The following PLD2 variants were observed in gnomAD, a reference collection of about 807,000 sequenced individuals.
PLD2 encodes choline phosphatase 2.
Under a neutral mutation model 119.8 loss-of-function variants are expected in PLD2, and 101 were observed. The observed-to-expected ratio is 0.84, with a 90% CI of 0.72 to 0.99. The LOEUF is 0.99. Among genes scored for constraint, PLD2 ranks in the 50% least tolerant of loss-of-function variants. The probability of loss-of-function intolerance (pLI) is 0.00; values close to 1 mark genes in which losing one functional copy is unlikely to be tolerated. For missense variants in PLD2, 1,164 were observed against 1,226.8 expected, an observed-to-expected ratio of 0.95 and a Z score of 0.76; for synonymous variants, 494 against 482.8, an observed-to-expected ratio of 1.02 and a Z score of -0.30.
intron 14 of PLD2, 107 bp from the exon 15 acceptor site, chr17:4,816,513 C>A: frequency 8.4e-7 from 1 of 1,196,368 alleles, no homozygotes; most frequent in Non-Finnish European, 1.2e-6. Flanking sequence ...CTGTTTCATT[C>A]TTCCTCTCGG....
chr17:4,807,924 C>A lies in PLD2; in HGVS notation c.109+43C>A. On this transcript the variant is annotated intron_variant, in intron 2 of 24. Coordinates refer to ENST00000263088, the MANE Select transcript of PLD2 (RefSeq NM_002663.5). The surrounding 1 kb of genome is among the most constrained non-coding windows in gnomAD (Gnocchi z 5.4). ...ATGGCCCTCAGGGAGGAGAGGCGTT[C>A]GGGAGCCAGGGGGCTGGGGCCTGTT... 1 of 1,606,850 alleles carries A rather than the reference C, an allele frequency of 6.2e-7. No homozygotes were observed. Among genetic ancestry groups the A allele is most frequent in the Non-Finnish European group, 8.5e-7 (1 of 1,174,370 alleles).
At chr17:4,814,544 C>G in intron 11 of PLD2, 43 bp downstream of exon 11, 1 of 1,612,734 alleles carries the variant, frequency 6.2e-7, no homozygotes, top group Non-Finnish European at 8.5e-7. Flanking sequence ...AGGATAGAGC[C>G]TGGGGCAGAT....
Position 4,807,947 on chromosome 17 carries a change from G to T in PLD2, c.110-37G>T. ...TTCGGGAGCCAGGGGGCTGGGGCCTGTTGTGGTCTACACTCCTCGACTTTC... is the reference window on the plus strand; with the variant it reads ...TTCGGGAGCCAGGGGGCTGGGGCCTTTTGTGGTCTACACTCCTCGACTTTC... On this transcript the variant is annotated intron_variant, in intron 2 of 24. Transcript: ENST00000263088. This position sits in a 1 kb window ranked among gnomAD's most constrained non-coding sequence, Gnocchi z 5.4. 1 of 1,607,310 alleles carries T rather than the reference G, an allele frequency of 6.2e-7. No individual in the cohort carries two copies. Among genetic ancestry groups the T allele is most frequent in the South Asian group, 1.1e-5 (1 of 90,806 alleles).
At chr17:4,814,301 C>T in intron 10 of PLD2, 117 bp from the exon 11 acceptor site, 1 of 1,482,444 alleles carries the variant, frequency 6.7e-7, no homozygotes. Flanking sequence ...GTTCTCTGAT[C>T]ATTTCTGATC....
chr17:4,819,721 G>A lies in PLD2; in HGVS notation c.2462+139G>A. The stretch of plus-strand genomic sequence containing the variant: ...ACTAGATTCTCAATAGGCAAGGCTG[G>A]GCGCGGCAGCTCACGCCTCTAATCC... On this transcript the variant is annotated intron_variant, in intron 23 of 24. Transcript: ENST00000263088. The surrounding 1 kb of genome is among the most constrained non-coding windows in gnomAD (Gnocchi z 4.2). 1.2e-6 allele frequency: 1 copy of A among 862,146 alleles called. No homozygotes were observed. The highest frequency in any genetic ancestry group is 1.7e-6 in the Non-Finnish European group (1 of 578,624). 53.4% of individuals were successfully genotyped at this position (862,146 alleles called of 1,614,324 possible).
intron 10 of PLD2, among the ~76,000 whole-genome samples, chr17:4,812,752 C>T (rs1388039768): frequency 2.0e-5 from 3 of 152,048 alleles, no homozygotes; most frequent in Admixed American, 1.3e-4. Flanking sequence ...CTGGTGATTG[C>T]GTGGGAACAT....
Position 4,822,674 on chromosome 17 carries a change from C to T in PLD2, c.2612C>T (p.Ser871Phe), listed in dbSNP as rs769354818. 35 of 1,613,524 alleles carry T rather than the reference C, an allele frequency of 2.2e-5. No individual in the cohort carries two copies. Among genetic ancestry groups the T allele is most frequent in the Non-Finnish European group, 3.0e-5 (35 of 1,179,724 alleles). The change falls in exon 25 of 25, where the codon TCC becomes TTC. Residue 871 changes from serine to phenylalanine, a missense_variant. By Grantham distance (155) the Ser-to-Phe change is radical. Transcript: ENST00000263088. ...TGCCTGCCATCCAATGCCACGCGTTCCCTGCGGACTCTCCGGGAGTACGTG... is the reference window on the plus strand; with the variant it reads ...TGCCTGCCATCCAATGCCACGCGTTTCCTGCGGACTCTCCGGGAGTACGTG... ...FRCLPSNATR[S>F]LRTLREYVAV...
chr17:4,808,877 A>T lies in PLD2; in HGVS notation c.384-223A>T, dbSNP rs1906137985. 6.6e-6 allele frequency among the ~76,000 whole-genome samples: 1 copy of T among 152,060 alleles called. No individual in the cohort carries two copies. Among genetic ancestry groups the T allele is most frequent in the Admixed American group, 6.6e-5 (1 of 15,250 alleles). On this transcript the variant is annotated intron_variant, in intron 4 of 24. Coordinates refer to ENST00000263088, the MANE Select transcript of PLD2 (RefSeq NM_002663.5). The surrounding 1 kb of genome is among the most constrained non-coding windows in gnomAD (Gnocchi z 4.1). The stretch of plus-strand genomic sequence containing the variant: ...CCCAACTAATTTTTGTATATTTTGT[A>T]GAGATGGGGTGCTGCTGTGTTGCCC...
intron 14 of PLD2, 32 bp downstream of exon 14, chr17:4,815,966 C>A: frequency 6.7e-7 from 1 of 1,481,542 alleles, no homozygotes; most frequent in South Asian, 1.1e-5. Context: ...TGAGCACCCC[C>A]AAACTCAGAT....
chr17:4,820,143 C>G (rs370456117), intron 23 of PLD2, among the ~76,000 whole-genome samples: 1 of 150,600 alleles, frequency 6.6e-6, no homozygotes, highest in Non-Finnish European at 1.5e-5. Flanking sequence ...GGGGTTTCGC[C>G]GTGTTGGTCA....
intron 24 of PLD2, 94 bp downstream of exon 24, chr17:4,822,001 C>A: frequency 1.3e-6 from 1 of 782,704 alleles, no homozygotes; most frequent in South Asian, 1.5e-5. Flanking sequence ...ACCATACAGT[C>A]ATTATTGGAA....
At position 4,808,010 on chromosome 17, in the gene PLD2, ATCTATGAGCTTCAG is replaced by A; in HGVS notation, c.140_153del (p.Tyr47SerfsTer102). Reference sequence around the variant, plus strand: ...CGACCGGATGCACCCGTTTCTGGCCATCTATGAGCTTCAGTCTCTGAAAGTGCACCCCTTGGTGT... The same window carrying A: ...CGACCGGATGCACCCGTTTCTGGCCATCTCTGAAAGTGCACCCCTTGGTGT... On this transcript the variant is annotated frameshift_variant, in exon 3 of 25. Transcript: ENST00000263088. LOFTEE classifies it high-confidence loss of function. This position sits in a 1 kb window ranked among gnomAD's most constrained non-coding sequence, Gnocchi z 4.1. 1 of 1,610,860 alleles carries A rather than the reference ATCTATGAGCTTCAG, an allele frequency of 6.2e-7. No homozygotes were observed. Among genetic ancestry groups the A allele is most frequent in the Non-Finnish European group, 8.5e-7 (1 of 1,177,368 alleles).
Position 4,818,292 on chromosome 17 carries a change from C to T in PLD2, c.1921-5C>T, listed in dbSNP as rs1289114540. The T allele has an allele frequency of 1.2e-6, 2 of 1,608,882 alleles. No individual in the cohort carries two copies. ...GCTGATGTCTGTCTCTGATTCTTGC[C>T]CCAGAATCAGTTCTTCATTAGCTGC... On this transcript the variant is annotated splice_region_variant and splice_polypyrimidine_tract_variant and intron_variant, in intron 18 of 24. Coordinates refer to ENST00000263088, the MANE Select transcript of PLD2 (RefSeq NM_002663.5).
At chr17:4,817,618 C>T (rs150008735) in intron 17 of PLD2, among the ~76,000 whole-genome samples, 9,392 of 143,514 alleles carry the variant, frequency 0.065, 435 homozygotes, top group East Asian at 0.26. Flanking sequence ...GCTGAGATCA[C>T]GCCACTGCAC....
At position 4,810,960 on chromosome 17, in the gene PLD2, C is replaced by G. The variant is rs1906403229; in HGVS notation, c.1010+9C>G. On this transcript the variant is annotated intron_variant, in intron 10 of 24. Transcript: ENST00000263088. Reference sequence around the variant, plus strand: ...GGGACCTTGGCCCGGTGGTGAGACACTGACATCCCTTCTGAGCTTGTCTGT... The same window carrying G: ...GGGACCTTGGCCCGGTGGTGAGACAGTGACATCCCTTCTGAGCTTGTCTGT... The G allele has an allele frequency of 1.2e-6, 2 of 1,605,772 alleles. No homozygotes were observed. The highest frequency in any genetic ancestry group is 1.1e-5 in the South Asian group (1 of 90,578).
At chr17:4,811,053 A>T (rs1165847895) in intron 10 of PLD2, 102 bp downstream of exon 10, 1 of 1,085,942 alleles carries the variant, frequency 9.2e-7, no homozygotes, top group Non-Finnish European at 1.3e-6. Flanking sequence ...AACCCTCCTG[A>T]CCTCAATGAC....
In PLD2 at chr17:4,816,956, G is replaced by A. The variant is rs765225142; in HGVS notation, c.1602G>A (p.Thr534=). Residue 534 remains threonine (T), a synonymous_variant, in exon 16 of 25, where the codon ACG becomes ACA. Transcript: ENST00000263088. ...RPFEDFIDRE[T]TPRMPWRDVG... is the part of the protein sequence containing the mutation. The stretch of plus-strand genomic sequence containing the variant: ...CCCCAGATTTCATTGACAGGGAGAC[G>A]ACCCCTCGGATGCCATGGCGGGACG... 36 of 1,613,396 alleles carry A rather than the reference G, an allele frequency of 2.2e-5. No individual in the cohort carries two copies. The highest frequency in any genetic ancestry group is 2.0e-4 in the Admixed American group (12 of 59,966).
rs1366709122 is a variant in PLD2, at chr17:4,809,949, C to T, written c.780C>T (p.Leu260=). 1.2e-6 allele frequency: 2 copies of T among 1,614,160 alleles called. No individual in the cohort carries two copies. Among genetic ancestry groups the T allele is most frequent in the African/African-American group, 2.7e-5 (2 of 75,040 alleles). The change falls in exon 9 of 25, where the codon CTC becomes CTT. Residue 260 remains leucine, a synonymous_variant. Transcript: ENST00000263088. ...CAGGTGCCATCTCATTTGTTCAGCT[C>T]TTTGACCCTGGCTTTGAGGTGCAAG... The part of the protein sequence containing the change: ...LETGAISFVQ[L]FDPGFEVQVG...
In PLD2 at chr17:4,816,624, C is replaced by G; in HGVS notation, c.1460C>G (p.Pro487Arg). Residue 487 changes from proline (P) to arginine (R), a missense_variant, in exon 15 of 25, where the codon CCC (proline) becomes CGC (arginine). Physicochemically the swap from Pro to Arg is moderately radical, Grantham distance 103. Transcript: ENST00000263088. Reference sequence around the variant, plus strand: ...TTGGGTGTGTTCCCCCTACAGCCTCCCACCCCGCGCCCAGACTCACCAGCC... The same window carrying G: ...TTGGGTGTGTTCCCCCTACAGCCTCGCACCCCGCGCCCAGACTCACCAGCC... ...DSSESAASQP[P>R]TPRPDSPATP... 6.2e-7 allele frequency: 1 copy of G among 1,613,950 alleles called. No homozygotes were observed.
Sources: gnomAD v4.1 joint callset for allele counts (sites outside exome capture counted in the v4.1 genomes callset) on GRCh38, gnomAD v4.1.1 for gene constraint, Gnocchi (gnomAD v3.1) non-coding constraint, MANE v1.5 for transcripts, NCBI Gene and HGNC (gene_info 2026-07-23, HGNC 2026-07-21) for gene names.